The following FAM107B variants were observed in gnomAD, a reference collection of about 807,000 sequenced individuals.
FAM107B encodes the protein family with sequence similarity 107 member B.
FAM107B carries 21 observed loss-of-function variants against 31.5 expected under a neutral mutation model. The ratio of observed to expected loss-of-function variants is 0.67; its 90% CI spans 0.47 to 0.96. The LOEUF (loss-of-function observed/expected upper bound fraction) is 0.96. FAM107B is among the 40% of genes least tolerant of loss of function. FAM107B has a pLI of 0.00. For missense variants in FAM107B, 452 were observed against 377.1 expected, an observed-to-expected ratio of 1.20 and a Z score of -1.64; for synonymous variants, 157 against 141.5, an observed-to-expected ratio of 1.11 and a Z score of -0.78.
At chr10:14,638,644 T>C (rs917889179) in intron 2 of FAM107B, among the ~76,000 whole-genome samples, 6 of 152,176 alleles carry the variant, frequency 3.9e-5, no homozygotes, top group Non-Finnish European at 7.3e-5. Flanking sequence ...TATTTCCTAA[T>C]CATTTCCCAG....
chr10:14,521,371 CT>C, intron 4 of FAM107B, 65 bp from the exon 5 acceptor site: 1 of 1,347,398 alleles, frequency 7.4e-7, no homozygotes. Flanking sequence ...ATACTCTTCT[CT>C]CTTTTCAAAG....
intron 1 of FAM107B, among the ~76,000 whole-genome samples, chr10:14,671,490 C>G (rs1385384520): frequency 6.6e-6 from 1 of 152,118 alleles, no homozygotes; most frequent in African/African-American, 2.4e-5. Flanking sequence ...GCAAATGGCA[C>G]GAGCTTCCCG....
chr10:14,743,656 A>G (rs747099482), intron 1 of FAM107B, among the ~76,000 whole-genome samples: 1 of 152,198 alleles, frequency 6.6e-6, no homozygotes, highest in Non-Finnish European at 1.5e-5. Flanking sequence ...TGAAGATCAG[A>G]TGGTTGTAGA....
chr10:14,763,824 G>C (rs193087683), intron 1 of FAM107B, among the ~76,000 whole-genome samples: 3 of 152,342 alleles, frequency 2.0e-5, no homozygotes, highest in Admixed American at 1.3e-4. Flanking sequence ...AATTATTACT[G>C]TTTAGGGGTA....
intron 2 of FAM107B, among the ~76,000 whole-genome samples, chr10:14,632,567 C>G (rs1304984764): frequency 6.9e-6 from 1 of 145,174 alleles, no homozygotes; most frequent in Non-Finnish European, 1.5e-5. Flanking sequence ...GCCGAGATTG[C>G]GCCACTGCAC....
chr10:14,677,192 C>T (rs906338444), intron 1 of FAM107B, among the ~76,000 whole-genome samples: 4 of 152,158 alleles, frequency 2.6e-5, no homozygotes, highest in African/African-American at 9.7e-5. Context: ...AGGAACTCAT[C>T]AACGCAGCCA....
chr10:14,550,360 C>A (rs1849144017), intron 2 of FAM107B, among the ~76,000 whole-genome samples: 1 of 152,216 alleles, frequency 6.6e-6, no homozygotes. Context: ...CAGCTCTAGT[C>A]CTCGGCTGTC....
chr10:14,580,759 T>A (rs1159454051), intron 2 of FAM107B, among the ~76,000 whole-genome samples: 1 of 152,186 alleles, frequency 6.6e-6, no homozygotes, highest in Non-Finnish European at 1.5e-5. Context: ...CACTGCTCTT[T>A]AAATCATTTT....
intron 1 of FAM107B, among the ~76,000 whole-genome samples, chr10:14,701,584 T>C (rs149002156): frequency 6.6e-6 from 1 of 152,160 alleles, no homozygotes; most frequent in East Asian, 1.9e-4. Context: ...GCTCCAAGAA[T>C]ATAGACCTAT....
At chr10:14,637,560 C>G (rs1301027561) in intron 2 of FAM107B, among the ~76,000 whole-genome samples, 1 of 152,130 alleles carries the variant, frequency 6.6e-6, no homozygotes, top group Non-Finnish European at 1.5e-5. Flanking sequence ...CAGAGGATGG[C>G]TTTAGCCTGT....
chr10:14,748,543 G>T (rs534053834), intron 1 of FAM107B, among the ~76,000 whole-genome samples: 1 of 152,208 alleles, frequency 6.6e-6, no homozygotes, highest in Non-Finnish European at 1.5e-5. Flanking sequence ...AGACTGAATG[G>T]GAAGCTAGCA....
intron 1 of FAM107B, among the ~76,000 whole-genome samples, chr10:14,700,686 A>T (rs954203371): frequency 2.0e-5 from 3 of 152,068 alleles, no homozygotes; most frequent in African/African-American, 7.2e-5. Context: ...AACAACAATG[A>T]TGCTTTTTTC....
chr10:14,747,516 C>T (rs1832749857), intron 1 of FAM107B, among the ~76,000 whole-genome samples: 1 of 152,006 alleles, frequency 6.6e-6, no homozygotes, highest in African/African-American at 2.4e-5. Context: ...TTGTTGCTTT[C>T]TGTTTGTTTT....
At chr10:14,719,477 C>T (rs1855861148) in intron 1 of FAM107B, among the ~76,000 whole-genome samples, 2 of 152,062 alleles carry the variant, frequency 1.3e-5, no homozygotes, top group African/African-American at 4.8e-5. Context: ...AAATATTTTG[C>T]GGAGAGTAAA....
intron 1 of FAM107B, among the ~76,000 whole-genome samples, chr10:14,671,892 ACAAAAAAAAAACC>A (rs1328861683): frequency 6.8e-6 from 1 of 147,650 alleles, no homozygotes; most frequent in African/African-American, 2.5e-5. Flanking sequence ...AAACAAAAAA[ACAAAAAAAAAACC>A]CTCTATTTCT....
intron 1 of FAM107B, among the ~76,000 whole-genome samples, chr10:14,754,247 A>C: frequency 6.6e-6 from 1 of 152,148 alleles, no homozygotes; most frequent in East Asian, 1.9e-4. Context: ...CCACCAGTGA[A>C]AATTCTTAAA....
chr10:14,618,825 A>G (rs1852919593), intron 2 of FAM107B, among the ~76,000 whole-genome samples: 1 of 151,696 alleles, frequency 6.6e-6, no homozygotes, highest in Non-Finnish European at 1.5e-5. Flanking sequence ...CGACAGAGTG[A>G]GACTGCTTAA....
intron 1 of FAM107B, among the ~76,000 whole-genome samples, chr10:14,763,189 G>A (rs1297220027): frequency 1.3e-5 from 2 of 152,174 alleles, no homozygotes; most frequent in Admixed American, 6.5e-5. Context: ...TTGAACCCGG[G>A]AGGCAGAGGT....
At chr10:14,658,007 T>C (rs1357233126) in intron 2 of FAM107B, among the ~76,000 whole-genome samples, 1 of 152,008 alleles carries the variant, frequency 6.6e-6, no homozygotes, top group Admixed American at 6.6e-5. Context: ...GGTTGGGGTT[T>C]TGTCATGTTG....
Sources: gnomAD v4.1 joint callset for allele counts (sites outside exome capture counted in the v4.1 genomes callset) on GRCh38, gnomAD v4.1.1 for gene constraint, MANE v1.5 for transcripts, NCBI Gene and HGNC (gene_info 2026-07-23, HGNC 2026-07-21) for gene names.